PPM1A: variants seen among roughly 807,000 people sequenced by gnomAD.
The protein encoded by PPM1A is protein phosphatase, Mg2+/Mn2+ dependent 1A, also known as protein phosphatase 1A.
Under a neutral mutation model 35.0 loss-of-function variants are expected in PPM1A, and 7 were observed. The observed-to-expected ratio is 0.20, with a 90% CI of 0.11 to 0.38. PPM1A has a LOEUF of 0.38. PPM1A is among the 10% of genes least tolerant of loss of function. PPM1A has a pLI of 1.00. For synonymous variants in PPM1A, 153 were observed against 167.3 expected (o/e 0.91, Z 0.66); for missense variants, 239 against 467.8 (o/e 0.51, Z 4.51).
intron 2 of PPM1A, among the ~76,000 whole-genome samples, chr14:60,284,642 A>C (rs1052709503): frequency 1.6e-5 from 2 of 124,942 alleles, no homozygotes; most frequent in Non-Finnish European, 3.3e-5. Context: ...ACTCCGTCTC[A>C]AAAAAAAAAA....
upstream of PPM1A, among the ~76,000 whole-genome samples, chr14:60,247,515 A>C (rs566745246): frequency 5.9e-5 from 9 of 151,312 alleles, no homozygotes; most frequent in East Asian, 1.8e-3. Context: ...CTGTAGTCCC[A>C]GCTACTCGGG....
At chr14:60,262,239 A>G (rs753865780) in intron 1 of PPM1A, among the ~76,000 whole-genome samples, 1 of 152,214 alleles carries the variant, frequency 6.6e-6, no homozygotes, top group Non-Finnish European at 1.5e-5. Flanking sequence ...TTCCTGTTTT[A>G]TAGATGATCT....
At chr14:60,286,522 A>G (rs917627085) in intron 3 of PPM1A, 5 of 985,260 alleles carry the variant, frequency 5.1e-6, no homozygotes, top group South Asian at 4.7e-5. Flanking sequence ...TGAGGTAGAA[A>G]AAAAACAAGA....
At chr14:60,279,164 G>T (rs1886097067) in intron 1 of PPM1A, among the ~76,000 whole-genome samples, 1 of 152,162 alleles carries the variant, frequency 6.6e-6, no homozygotes, top group African/African-American at 2.4e-5. Flanking sequence ...TGCTGCCCGG[G>T]CTAGAGTGCA....
chr14:60,251,580 A>G (rs1449953895), intron 1 of PPM1A, among the ~76,000 whole-genome samples: 4 of 152,210 alleles, frequency 2.6e-5, no homozygotes, highest in Non-Finnish European at 4.4e-5. Flanking sequence ...AGATTATATT[A>G]TCACATGTAC....
chr14:60,255,895 T>C (rs537777725), intron 1 of PPM1A, among the ~76,000 whole-genome samples: 1 of 152,326 alleles, frequency 6.6e-6, no homozygotes, highest in Admixed American at 6.5e-5. Context: ...TAATCACATA[T>C]CTCTTTTCAG....
At chr14:60,246,241 T>C (rs1881779358), upstream of PPM1A, among the ~76,000 whole-genome samples, 1 of 151,992 alleles carries the variant, frequency 6.6e-6, no homozygotes, top group East Asian at 1.9e-4. Flanking sequence ...TCCTGGAGAG[T>C]AATTTGGGAG....
intron 1 of PPM1A, among the ~76,000 whole-genome samples, chr14:60,263,107 A>G (rs1168358893): frequency 6.6e-6 from 1 of 151,904 alleles, no homozygotes; most frequent in African/African-American, 2.4e-5. Flanking sequence ...AGTCCCATCT[A>G]CTCAGGAGGC....
chr14:60,248,980 A>C (rs540189631), upstream of PPM1A, among the ~76,000 whole-genome samples: 4 of 152,192 alleles, frequency 2.6e-5, no homozygotes, highest in South Asian at 8.3e-4. Context: ...CCAGGCCGTA[A>C]GGCAAAGGCG....
At chr14:60,250,053 TCCC>T (rs1182865444) in intron 1 of PPM1A, among the ~76,000 whole-genome samples, 1 of 147,908 alleles carries the variant, frequency 6.8e-6, no homozygotes, top group Non-Finnish European at 1.5e-5. Flanking sequence ...GGAGGGGGCG[TCCC>T]CGCGCCCCCA....
chr14:60,249,054 T>G (rs908911809), upstream of PPM1A, among the ~76,000 whole-genome samples: 1 of 151,486 alleles, frequency 6.6e-6, no homozygotes, highest in South Asian at 2.1e-4. This position sits in a 1 kb window ranked among gnomAD's most constrained non-coding sequence, Gnocchi z 4.5. Flanking sequence ...TGGCGGCCCC[T>G]CCCCCGCCCG....
chr14:60,249,297 T>G lies in PPM1A; in HGVS notation c.-401T>G. 4 of 961,464 alleles carry G rather than the reference T, an allele frequency of 4.2e-6. No individual in the cohort carries two copies. Among genetic ancestry groups the G allele is most frequent in the Non-Finnish European group, 4.8e-6 (4 of 824,820 alleles). 59.6% of individuals were successfully genotyped at this position (961,464 alleles called of 1,614,324 possible). A position where few individuals can be genotyped will look rare whatever the true frequency, so the allele number is the denominator to read the frequency against. On this transcript the variant is annotated 5_prime_UTR_variant, in exon 1 of 6. Transcript: ENST00000395076. This position sits in a 1 kb window ranked among gnomAD's most constrained non-coding sequence, Gnocchi z 4.5. ...AGCTAGAGAGCAGTGGTCTCGGCGC[T>G]CGTCCGGCCCGCAGCTTCGGGTCCT...
rs1484225939 is a variant in PPM1A, at chr14:60,292,679, C to T, written c.*197C>T. 4.9e-6 allele frequency: 2 copies of T among 406,212 alleles called. No homozygotes were observed. The highest frequency in any genetic ancestry group is 4.3e-6 in the Non-Finnish European group (1 of 231,776). The allele number at this position is 406,212 out of a possible 1,614,324, so 25.2% of individuals were successfully genotyped here. On this transcript the variant is annotated 3_prime_UTR_variant, in exon 6 of 6. Transcript: ENST00000395076. This position sits in a 1 kb window ranked among gnomAD's most constrained non-coding sequence, Gnocchi z 4.2. ...TTTTTTTTTTTTTGTAAATTTGAGA[C>T]TTATGTAAGCGTGATTTCAAACCAT...
chr14:60,275,730 C>T lies in PPM1A; in HGVS notation c.-20-6954C>T, dbSNP rs556982471. Among the ~76,000 whole-genome samples the T allele has an allele frequency of 7.2e-5, 11 of 152,232 alleles. No individual in the cohort carries two copies. In the South Asian group the frequency reaches 2.3e-3, roughly 32 times the overall value. ...CAAGTGGTCCTCCCACCTCAGTCTC[C>T]CAAAGCACTGGGATTACAGGCATGT... On this transcript the variant is annotated intron_variant, in intron 1 of 5. Coordinates refer to ENST00000395076, the MANE Select transcript of PPM1A (RefSeq NM_021003.5).
At chr14:60,270,847 A>AT (rs1241751964) in intron 1 of PPM1A, among the ~76,000 whole-genome samples, 1 of 152,224 alleles carries the variant, frequency 6.6e-6, no homozygotes, top group African/African-American at 2.4e-5. Flanking sequence ...GCTTGTTGAA[A>AT]TTACTGCACA....
rs1399843204 is a variant in PPM1A at position 60,294,304 on chromosome 14, A to G, written c.*1822A>G. On this transcript the variant is annotated 3_prime_UTR_variant, in exon 6 of 6. Coordinates refer to ENST00000395076, the MANE Select transcript of PPM1A (RefSeq NM_021003.5). ...CTTAATTGTATTTAATTTATATCTT[A>G]TTCCAGCATGAATGAGGAAAAACTG... 6.6e-6 allele frequency: 1 copy of G among 151,870 alleles called. No homozygotes were observed. The highest frequency in any genetic ancestry group is 1.5e-5 in the Non-Finnish European group (1 of 67,822). The allele number at this position is 151,870 out of a possible 1,614,324, so 9.4% of individuals were successfully genotyped here. A position where few individuals can be genotyped will look rare whatever the true frequency, so the allele number is the denominator to read the frequency against.
intron 1 of PPM1A, among the ~76,000 whole-genome samples, chr14:60,259,216 G>A (rs1315970259): frequency 6.6e-6 from 1 of 152,066 alleles, no homozygotes; most frequent in Non-Finnish European, 1.5e-5. Context: ...ATCAACTGAA[G>A]TCTGTTAGAG....
At chr14:60,286,714 C>A (rs982958918) in intron 3 of PPM1A, 70 of 983,720 alleles carry the variant, frequency 7.1e-5, no homozygotes, top group Non-Finnish European at 8.1e-5. Context: ...TGATACCAAT[C>A]ATAATCAGTC....
At chr14:60,286,214 C>T in intron 3 of PPM1A, 1 of 985,998 alleles carries the variant, frequency 1.0e-6, no homozygotes, top group Non-Finnish European at 1.2e-6. Context: ...TTTATATACA[C>T]AGCTTTAAAA....
Sources: allele counts gnomAD v4.1 joint callset (sites outside exome capture counted in the v4.1 genomes callset), GRCh38; gene constraint gnomAD v4.1.1; non-coding constraint Gnocchi (gnomAD v3.1); transcripts MANE v1.5; gene names NCBI Gene and HGNC (gene_info 2026-07-23, HGNC 2026-07-21).